CPNE4: variants seen among roughly 807,000 people sequenced by gnomAD.
The protein encoded by CPNE4 is copine 4, also known as copine-4.
A neutral mutation model predicts 67.9 loss-of-function variants in CPNE4; 25 were observed. The ratio of observed to expected loss-of-function variants is 0.37; its 90% CI spans 0.27 to 0.51. The LOEUF is 0.51. Ranked by LOEUF, CPNE4 falls within the 20% of genes least tolerant of loss-of-function variation. The pLI is 0.93. For missense variants in CPNE4, 464 were observed against 690.8 expected, an observed-to-expected ratio of 0.67 and a Z score of 3.68; for synonymous variants, 242 against 244.9, an observed-to-expected ratio of 0.99 and a Z score of 0.11.
chr3:131,770,495 C>T (rs548613107), intron 2 of CPNE4, among the ~76,000 whole-genome samples: 1 of 152,202 alleles, frequency 6.6e-6, no homozygotes, highest in Non-Finnish European at 1.5e-5. Flanking sequence ...GAGCTCTCAT[C>T]AGAGATAGGT....
At chr3:131,787,486 C>T (rs2083599075) in intron 2 of CPNE4, among the ~76,000 whole-genome samples, 1 of 152,162 alleles carries the variant, frequency 6.6e-6, no homozygotes, top group African/African-American at 2.4e-5. Context: ...AATTTACTGA[C>T]TGGATGCCCC....
intron 2 of CPNE4, among the ~76,000 whole-genome samples, chr3:131,783,564 CT>C (rs1397319024): frequency 6.6e-6 from 1 of 151,998 alleles, no homozygotes; most frequent in Non-Finnish European, 1.5e-5. Context: ...GTGTCTAATG[CT>C]TAGTGACTTT....
chr3:131,749,148 C>T (rs1022304220), intron 2 of CPNE4, among the ~76,000 whole-genome samples: 1 of 152,082 alleles, frequency 6.6e-6, no homozygotes, highest in South Asian at 2.1e-4. Flanking sequence ...CATTTTCATT[C>T]ACTTCAATGT....
chr3:131,958,369 C>T (rs984873110), intron 1 of CPNE4, among the ~76,000 whole-genome samples: 2 of 152,124 alleles, frequency 1.3e-5, no homozygotes, highest in Non-Finnish European at 2.9e-5. Context: ...GGTCCTTAAA[C>T]CAGCTGCAGC....
intron 2 of CPNE4, among the ~76,000 whole-genome samples, chr3:131,773,223 T>C (rs187211898): frequency 6.6e-6 from 1 of 152,258 alleles, no homozygotes; most frequent in East Asian, 1.9e-4. Flanking sequence ...GAGAGGAATA[T>C]AAGGGATTTA....
intron 7 of CPNE4, among the ~76,000 whole-genome samples, chr3:131,652,239 C>T (rs1170531067): frequency 1.3e-5 from 2 of 152,148 alleles, no homozygotes; most frequent in Non-Finnish European, 2.9e-5. Flanking sequence ...CTAATAAAAA[C>T]GTAGAAGGAC....
At chr3:131,788,689 A>G (rs2083629466) in intron 2 of CPNE4, among the ~76,000 whole-genome samples, 1 of 152,142 alleles carries the variant, frequency 6.6e-6, no homozygotes, top group Non-Finnish European at 1.5e-5. Context: ...TCCAATAATA[A>G]GGGAATTAGG....
chr3:131,685,790 AC>A, intron 6 of CPNE4, 84 bp downstream of exon 6: 1 of 897,844 alleles, frequency 1.1e-6, no homozygotes, highest in Non-Finnish European at 1.8e-6. Context: ...CAACACACAC[AC>A]ACACACAAAA....
intron 2 of CPNE4, among the ~76,000 whole-genome samples, chr3:131,750,622 C>A (rs1211598373): frequency 2.6e-5 from 4 of 152,078 alleles, no homozygotes; most frequent in Non-Finnish European, 5.9e-5. Context: ...TAAATATTTT[C>A]TCTACATAAA....
intron 2 of CPNE4, among the ~76,000 whole-genome samples, chr3:131,880,573 C>A (rs763445529): frequency 3.9e-5 from 6 of 152,144 alleles, no homozygotes; most frequent in Non-Finnish European, 5.9e-5. Context: ...ATTCTCCTGG[C>A]CAGATCCCTT....
chr3:131,770,187 G>C (rs966844427), intron 2 of CPNE4, among the ~76,000 whole-genome samples: 2 of 152,176 alleles, frequency 1.3e-5, no homozygotes, highest in African/African-American at 4.8e-5. Context: ...TTTTGCGTTA[G>C]TGTATTGCAA....
At chr3:131,851,859 A>G (rs2086253338) in intron 2 of CPNE4, among the ~76,000 whole-genome samples, 1 of 152,062 alleles carries the variant, frequency 6.6e-6, no homozygotes. Context: ...GAAGAAACAG[A>G]GACATGGGCA....
chr3:131,741,055 A>G (rs769570834), intron 2 of CPNE4, among the ~76,000 whole-genome samples: 2 of 152,012 alleles, frequency 1.3e-5, no homozygotes, highest in Admixed American at 1.3e-4. Context: ...CTTGCACCCT[A>G]TCTGTAACAT....
Position 131,655,868 on chromosome 3 carries a change from G to A in CPNE4, c.681+13807C>T, listed in dbSNP as rs80074709. ...ATGGTTAGTACTAGACTTAATCCTTGCTATTCTAGGAACTGTTCAAAGAAG... is the reference window on the plus strand; with the variant it reads ...ATGGTTAGTACTAGACTTAATCCTTACTATTCTAGGAACTGTTCAAAGAAG... On this transcript the variant is annotated intron_variant, in intron 7 of 15. Transcript: ENST00000429747. Among the ~76,000 whole-genome samples the A allele has an allele frequency of 7.2e-5, 11 of 152,194 alleles. No homozygotes were observed. In the East Asian group the frequency reaches 1.9e-3, roughly 27 times the overall value.
At chr3:131,550,462 C>T (rs1936110696) in intron 13 of CPNE4, among the ~76,000 whole-genome samples, 1 of 152,064 alleles carries the variant, frequency 6.6e-6, no homozygotes, top group Admixed American at 6.6e-5. Flanking sequence ...GTTCAAGACT[C>T]AGGATTTAAA....
intron 2 of CPNE4, among the ~76,000 whole-genome samples, chr3:131,845,629 C>T (rs13083519): frequency 0.2 from 30,756 of 152,106 alleles, 3,844 homozygotes; most frequent in Non-Finnish European, 0.27. Context: ...TCAAATATGT[C>T]TAAGGGTATT....
At chr3:131,657,675 C>T (rs6767382) in intron 7 of CPNE4, among the ~76,000 whole-genome samples, 79,240 of 149,876 alleles carry the variant, frequency 0.53, 21,556 homozygotes, top group East Asian at 0.8. Context: ...GCTGGGATTA[C>T]AGGCACGTGC....
chr3:131,720,152 A>G (rs2081843288), intron 3 of CPNE4, among the ~76,000 whole-genome samples: 1 of 152,220 alleles, frequency 6.6e-6, no homozygotes, highest in Admixed American at 6.5e-5. Flanking sequence ...CCCATCACTG[A>G]CTTTGACCAC....
chr3:131,757,499 G>A (rs758332995), intron 2 of CPNE4, among the ~76,000 whole-genome samples: 2 of 152,186 alleles, frequency 1.3e-5, no homozygotes, highest in Admixed American at 6.6e-5. Flanking sequence ...AAGATGTGAC[G>A]TGGGTGCTGT....
Sources: gnomAD v4.1 joint callset for allele counts (sites outside exome capture counted in the v4.1 genomes callset) on GRCh38, gnomAD v4.1.1 for gene constraint, MANE v1.5 for transcripts, NCBI Gene and HGNC (gene_info 2026-07-23, HGNC 2026-07-21) for gene names.